Variants in CHRM3 observed in about 807,000 individuals in gnomAD.
The protein encoded by CHRM3 is cholinergic receptor muscarinic 3, also known as muscarinic acetylcholine receptor M3.
CHRM3 carries 11 observed loss-of-function variants against 41.8 expected under a neutral mutation model. That is an observed-to-expected ratio of 0.26 (90% CI 0.17 to 0.44). CHRM3 has a LOEUF of 0.44. Among genes scored for constraint, CHRM3 ranks in the 20% least tolerant of loss-of-function variants. The pLI, the probability that CHRM3 is intolerant of heterozygous loss-of-function variation, is 1.00. For missense variants in CHRM3, 571 were observed against 745.4 expected, an observed-to-expected ratio of 0.77 and a Z score of 2.72; for synonymous variants, 297 against 301.4, an observed-to-expected ratio of 0.99 and a Z score of 0.15.
intron 4 of CHRM3, among the ~76,000 whole-genome samples, chr1:239,662,898 CTTCT>C (rs1673368198): frequency 3.1e-5 from 4 of 128,104 alleles, no homozygotes; most frequent in Non-Finnish European, 6.9e-5. Context: ...TCCTCCTCTT[CTTCT>C]TCTTCTTCTT....
At chr1:239,600,762 T>C (rs1665421540) in intron 3 of CHRM3, among the ~76,000 whole-genome samples, 1 of 150,224 alleles carries the variant, frequency 6.7e-6, no homozygotes, top group Non-Finnish European at 1.5e-5. Flanking sequence ...CTTCTTTCCT[T>C]CCTTCCTTTT....
chr1:239,822,547 C>G (rs548922566), intron 5 of CHRM3, among the ~76,000 whole-genome samples: 2,720 of 152,192 alleles, frequency 0.018, 75 homozygotes, highest in African/African-American at 0.062. Flanking sequence ...CTTCAAATAA[C>G]TTTTACAACT....
intron 1 of CHRM3, among the ~76,000 whole-genome samples, chr1:239,447,366 A>G (rs1664226910): frequency 6.6e-6 from 1 of 152,154 alleles, no homozygotes; most frequent in Non-Finnish European, 1.5e-5. Context: ...GTTAGTTTCT[A>G]TGTATATTTT....
At chr1:239,498,436 T>C (rs1668019828) in intron 2 of CHRM3, among the ~76,000 whole-genome samples, 4 of 152,160 alleles carry the variant, frequency 2.6e-5, no homozygotes, top group African/African-American at 9.6e-5. Context: ...AAAAAGTAAA[T>C]TTGATTTCAA....
intron 1 of CHRM3, among the ~76,000 whole-genome samples, chr1:239,414,149 T>A (rs999520910): frequency 2.0e-5 from 3 of 152,354 alleles, no homozygotes; most frequent in Admixed American, 6.5e-5. Flanking sequence ...TGTTTGTGTC[T>A]GAATGTTGGG....
At chr1:239,519,401 A>G (rs1558284465) in intron 2 of CHRM3, among the ~76,000 whole-genome samples, 1 of 152,196 alleles carries the variant, frequency 6.6e-6, no homozygotes, top group African/African-American at 2.4e-5. Context: ...CCTCTTCTGT[A>G]TGTTTGAAGA....
At chr1:239,432,520 G>A (rs553360972) in intron 1 of CHRM3, among the ~76,000 whole-genome samples, 7 of 152,300 alleles carry the variant, frequency 4.6e-5, no homozygotes, top group African/African-American at 1.7e-4. Context: ...TAGATGATGA[G>A]CAGAGTTGCT....
chr1:239,698,758 C>G (rs1660417648), intron 5 of CHRM3, among the ~76,000 whole-genome samples: 1 of 152,274 alleles, frequency 6.6e-6, no homozygotes, highest in East Asian at 1.9e-4. Context: ...TGAGGGCCAA[C>G]CATGTGTCCT....
At chr1:239,514,541 G>A (rs1472005235) in intron 2 of CHRM3, among the ~76,000 whole-genome samples, 1 of 151,916 alleles carries the variant, frequency 6.6e-6, no homozygotes, top group African/African-American at 2.4e-5. Context: ...TTTCTACATA[G>A]AAAGTCATGC....
chr1:239,575,486 G>A (rs925274434), intron 3 of CHRM3, among the ~76,000 whole-genome samples: 1 of 152,128 alleles, frequency 6.6e-6, no homozygotes, highest in Admixed American at 6.5e-5. Context: ...AACAACCACA[G>A]TATTTGTTTG....
chr1:239,621,215 A>G (rs1280169630), intron 3 of CHRM3, among the ~76,000 whole-genome samples: 1 of 152,190 alleles, frequency 6.6e-6, no homozygotes, highest in Non-Finnish European at 1.5e-5. Context: ...CTTAATTGAT[A>G]AATGTAATTA....
intron 3 of CHRM3, among the ~76,000 whole-genome samples, chr1:239,591,668 C>A (rs1176020691): frequency 6.6e-6 from 1 of 151,636 alleles, no homozygotes; most frequent in African/African-American, 2.4e-5. Context: ...TTTTAATAGC[C>A]ACTGAAGTAA....
chr1:239,800,913 T>A (rs985136580), intron 5 of CHRM3, among the ~76,000 whole-genome samples: 1 of 152,200 alleles, frequency 6.6e-6, no homozygotes, highest in Non-Finnish European at 1.5e-5. Context: ...GGATTTTTTT[T>A]TTCCAGTTGA....
At chr1:239,442,229 C>T (rs929377891) in intron 1 of CHRM3, among the ~76,000 whole-genome samples, 1 of 151,822 alleles carries the variant, frequency 6.6e-6, no homozygotes, top group Non-Finnish European at 1.5e-5. Context: ...GCCTCAGCCT[C>T]CTGAGTAGCT....
intron 1 of CHRM3, among the ~76,000 whole-genome samples, chr1:239,413,717 A>G (rs769281400): frequency 6.6e-5 from 10 of 152,228 alleles, no homozygotes; most frequent in Non-Finnish European, 1.0e-4. Context: ...TAGTTAATTA[A>G]TTAAATGGAA....
intron 6 of CHRM3, among the ~76,000 whole-genome samples, chr1:239,831,360 T>C (rs1350301098): frequency 6.6e-6 from 1 of 152,154 alleles, no homozygotes; most frequent in Non-Finnish European, 1.5e-5. Context: ...AGCAGCCAAC[T>C]GGTAGGCCTT....
At chr1:239,791,127 C>T (rs1669317715) in intron 5 of CHRM3, among the ~76,000 whole-genome samples, 1 of 151,468 alleles carries the variant, frequency 6.6e-6, no homozygotes, top group Non-Finnish European at 1.5e-5. Flanking sequence ...ATTTTTGAGA[C>T]AGGGTCTCTC....
At chr1:239,432,676 A>G (rs1247895832) in intron 1 of CHRM3, among the ~76,000 whole-genome samples, 1 of 152,214 alleles carries the variant, frequency 6.6e-6, no homozygotes. Flanking sequence ...AAAGGAACGT[A>G]TGAAAATCAA....
At chr1:239,532,485 CATG>C (rs1278538461) in intron 2 of CHRM3, among the ~76,000 whole-genome samples, 2 of 150,864 alleles carry the variant, frequency 1.3e-5, no homozygotes, top group African/African-American at 4.9e-5. Flanking sequence ...ATTAGCCGGA[CATG>C]GTGGTGTGTG....
Sources: gnomAD v4.1 joint callset for allele counts (sites outside exome capture counted in the v4.1 genomes callset) on GRCh38, gnomAD v4.1.1 for gene constraint, MANE v1.5 for transcripts, NCBI Gene and HGNC (gene_info 2026-07-23, HGNC 2026-07-21) for gene names.